Variants in CNOT6L observed in about 807,000 individuals in gnomAD.
CNOT6L encodes CCR4-NOT transcription complex subunit 6-like.
CNOT6L carries 7 observed loss-of-function variants against 64.0 expected under a neutral mutation model. That is an observed-to-expected ratio of 0.11 (90% CI 0.06 to 0.21). The LOEUF is 0.21. CNOT6L is among the 10% of genes least tolerant of loss of function. The probability of loss-of-function intolerance (pLI) is 1.00; values close to 1 mark genes in which losing one functional copy is unlikely to be tolerated. For synonymous variants in CNOT6L, 193 were observed against 243.4 expected (o/e 0.79, Z 1.93); for missense variants, 245 against 669.0 (o/e 0.37, Z 6.99).
intron 5 of CNOT6L, among the ~76,000 whole-genome samples, chr4:77,756,016 C>T (rs1188089926): frequency 6.6e-6 from 1 of 151,932 alleles, no homozygotes; most frequent in Non-Finnish European, 1.5e-5. Context: ...CAGAGTCACG[C>T]TCTGTCACCC....
intron 1 of CNOT6L, among the ~76,000 whole-genome samples, chr4:77,801,083 G>A (rs1046871144): frequency 1.6e-4 from 24 of 152,132 alleles, no homozygotes; most frequent in Non-Finnish European, 4.4e-5. Context: ...TCCTAAAATA[G>A]TTGATTAGAA....
intron 9 of CNOT6L, among the ~76,000 whole-genome samples, chr4:77,730,738 C>T (rs553634458): frequency 3.9e-5 from 6 of 152,100 alleles, no homozygotes; most frequent in Admixed American, 1.3e-4. Flanking sequence ...TAATCTTTTC[C>T]TCTACAAAAA....
At chr4:77,780,273 A>G (rs1322203693) in intron 1 of CNOT6L, among the ~76,000 whole-genome samples, 1 of 152,226 alleles carries the variant, frequency 6.6e-6, no homozygotes, top group Non-Finnish European at 1.5e-5. Flanking sequence ...AAAACACAGC[A>G]CAGTTAATTT....
chr4:77,773,059 A>C, intron 4 of CNOT6L, 22 bp downstream of exon 4: 1 of 1,536,636 alleles, frequency 6.5e-7, no homozygotes, highest in Non-Finnish European at 8.9e-7. Context: ...GAATACCTCA[A>C]AACTGTTTAA....
intron 4 of CNOT6L, among the ~76,000 whole-genome samples, chr4:77,764,267 T>C (rs1341603016): frequency 6.6e-6 from 1 of 152,210 alleles, no homozygotes; most frequent in Non-Finnish European, 1.5e-5. Flanking sequence ...TAGATAATTA[T>C]ATAGTAACTA....
At chr4:77,722,770 T>G (rs1443025438) in intron 11 of CNOT6L, among the ~76,000 whole-genome samples, 1 of 152,194 alleles carries the variant, frequency 6.6e-6, no homozygotes, top group Non-Finnish European at 1.5e-5. Context: ...CCAACATATT[T>G]GTACATATGC....
chr4:77,755,400 T>G (rs2109995191), intron 5 of CNOT6L, among the ~76,000 whole-genome samples: 1 of 152,182 alleles, frequency 6.6e-6, no homozygotes, highest in South Asian at 2.1e-4. Context: ...GTATTTTTAG[T>G]AGAGATGAGG....
At chr4:77,802,026 A>C (rs1731640173) in intron 1 of CNOT6L, among the ~76,000 whole-genome samples, 1 of 152,224 alleles carries the variant, frequency 6.6e-6, no homozygotes. Context: ...CCCCAAAAGA[A>C]ATATAACAGT....
chr4:77,819,382 C>T (rs1734039933), upstream of CNOT6L: 7 of 1,609,580 alleles, frequency 4.3e-6, no homozygotes, highest in Non-Finnish European at 5.9e-6. Context: ...AACACGCGCG[C>T]GCGCGCGCAC....
intron 1 of CNOT6L, among the ~76,000 whole-genome samples, chr4:77,793,659 C>G (rs565556476): frequency 6.6e-6 from 1 of 152,100 alleles, no homozygotes; most frequent in Non-Finnish European, 1.5e-5. Context: ...TCCCTGAGTA[C>G]TAAGCAGCAG....
chr4:77,759,409 C>CA (rs1725922422), intron 4 of CNOT6L, among the ~76,000 whole-genome samples: 1 of 151,586 alleles, frequency 6.6e-6, no homozygotes, highest in African/African-American at 2.4e-5. Context: ...ACTAAAAATA[C>CA]AAAAAATTAG....
intron 1 of CNOT6L, among the ~76,000 whole-genome samples, chr4:77,794,836 T>C (rs1053222363): frequency 3.9e-5 from 6 of 152,086 alleles, no homozygotes; most frequent in African/African-American, 1.4e-4. Flanking sequence ...ATTAAACTCA[T>C]GTTTATTCAC....
intron 7 of CNOT6L, 104 bp from the exon 8 acceptor site, chr4:77,742,399 T>C (rs1723695342): frequency 9.5e-7 from 1 of 1,049,112 alleles, no homozygotes; most frequent in Non-Finnish European, 1.4e-6. Flanking sequence ...GTAAAAATAA[T>C]TCACATAGCA....
intron 4 of CNOT6L, among the ~76,000 whole-genome samples, chr4:77,766,936 G>A (rs1726898811): frequency 6.6e-6 from 1 of 151,322 alleles, no homozygotes; most frequent in African/African-American, 2.4e-5. Flanking sequence ...AGTGGCAGGA[G>A]CCTGTAATCC....
rs187075742 is a variant in CNOT6L, at chr4:77,749,053, G to C, written c.491-669C>G. Among the ~76,000 whole-genome samples, 612 of 152,204 alleles carry C rather than the reference G, an allele frequency of 4.0e-3. 1 individual carries two copies. Among genetic ancestry groups the C allele is most frequent in the Non-Finnish European group, 6.3e-3 (430 of 67,976 alleles). ...AATCTTTGAAATTACAGTACAACTTGATTCAAGTTTGCAGATTTGCCCATG... is the reference window on the plus strand; with the variant it reads ...AATCTTTGAAATTACAGTACAACTTCATTCAAGTTTGCAGATTTGCCCATG... On this transcript the variant is annotated intron_variant, in intron 5 of 11. Coordinates refer to ENST00000504123, the MANE Select transcript of CNOT6L (RefSeq NM_144571.3).
rs1306771017 is a variant in CNOT6L at position 77,714,108 on chromosome 4, CT to C, written c.*6322del. On this transcript the variant is annotated 3_prime_UTR_variant, in exon 12 of 12. Transcript: ENST00000504123. ...TACCAAGTATTCAGGGAAAAAGTTA[CT>C]AAAACACCTTGCTTGGTTTTACAGT... 1 of 152,508 alleles carries C rather than the reference CT, an allele frequency of 6.6e-6. No homozygotes were observed. The highest frequency in any genetic ancestry group is 1.9e-4 in the East Asian group (1 of 5,192). 9.4% of individuals were successfully genotyped at this position (152,508 alleles called of 1,614,324 possible).
chr4:77,728,352 A>C (rs1023638114), intron 10 of CNOT6L, among the ~76,000 whole-genome samples: 6 of 152,212 alleles, frequency 3.9e-5, no homozygotes, highest in Non-Finnish European at 8.8e-5. Flanking sequence ...ATCAACTGCA[A>C]ATCCCTCCCC....
intron 1 of CNOT6L, among the ~76,000 whole-genome samples, chr4:77,793,656 G>A (rs1730440268): frequency 6.6e-6 from 1 of 152,114 alleles, no homozygotes; most frequent in Non-Finnish European, 1.5e-5. Context: ...ATTTCCCTGA[G>A]TACTAAGCAG....
rs1310451667 is a variant in CNOT6L, at chr4:77,819,004, C to G, written c.5+300G>C. The G allele has an allele frequency of 4.5e-6, 3 of 669,520 alleles. No individual in the cohort carries two copies. The African/African-American group carries it at 5.5e-5, about 12-fold the overall frequency. The allele number at this position is 669,520 out of a possible 1,614,324, so 41.5% of individuals were successfully genotyped here. On this transcript the variant is annotated intron_variant, in intron 1 of 11. Coordinates refer to ENST00000504123, the MANE Select transcript of CNOT6L (RefSeq NM_144571.3). ...AGGCTCGGGAGCCGCAGCCACAAAG[C>G]GGGAGGGACACGCCACTCTGGGGTC...
Sources: allele counts gnomAD v4.1 joint callset (sites outside exome capture counted in the v4.1 genomes callset), GRCh38; gene constraint gnomAD v4.1.1; transcripts MANE v1.5; gene names NCBI Gene and HGNC (gene_info 2026-07-23, HGNC 2026-07-21).